Variants in NCOA3 observed in about 807,000 individuals in gnomAD.
NCOA3 encodes the protein CBP-interacting protein.
In NCOA3, 51 loss-of-function variants were observed where a neutral mutation model predicts 158.8. The observed-to-expected ratio is 0.32, with a 90% CI of 0.26 to 0.41. The LOEUF (loss-of-function observed/expected upper bound fraction) is 0.41, where lower values mean the gene tolerates loss of function less well. Ranked by LOEUF, NCOA3 falls within the 10% of genes least tolerant of loss-of-function variation. NCOA3 has a pLI of 1.00. For synonymous variants in NCOA3, 537 were observed against 592.4 expected, an observed-to-expected ratio of 0.91 and a Z score of 1.36; for missense variants, 1,510 against 1,746.6, an observed-to-expected ratio of 0.86 and a Z score of 2.41.
chr20:47,535,152 C>G (rs1294210935), intron 1 of NCOA3, among the ~76,000 whole-genome samples: 3 of 152,150 alleles, frequency 2.0e-5, no homozygotes, highest in Admixed American at 1.3e-4. Flanking sequence ...CCTCAAACTC[C>G]TGGGCTCAAG....
At chr20:47,566,457 C>G (rs1251188961) in intron 1 of NCOA3, among the ~76,000 whole-genome samples, 1 of 152,068 alleles carries the variant, frequency 6.6e-6, no homozygotes, top group African/African-American at 2.4e-5. Context: ...TAGGAGAGCC[C>G]TTCCCAGACC....
chr20:47,606,303 C>T (rs1185404508), intron 2 of NCOA3, among the ~76,000 whole-genome samples: 1 of 152,198 alleles, frequency 6.6e-6, no homozygotes, highest in Non-Finnish European at 1.5e-5. Flanking sequence ...ATGGTTAAGA[C>T]TATTCTCATA....
At chr20:47,644,195 A>G (rs1043930896) in intron 17 of NCOA3, among the ~76,000 whole-genome samples, 2 of 150,796 alleles carry the variant, frequency 1.3e-5, no homozygotes, top group Admixed American at 6.6e-5. Flanking sequence ...GCTGGAGTGC[A>G]GTGGCGTGAT....
intron 1 of NCOA3, among the ~76,000 whole-genome samples, chr20:47,521,092 C>T (rs939400482): frequency 2.4e-4 from 37 of 152,346 alleles, no homozygotes; most frequent in African/African-American, 8.7e-4. Context: ...ACAGAGTCGT[C>T]GCCGCAGTAT....
intron 2 of NCOA3, among the ~76,000 whole-genome samples, chr20:47,612,204 G>T (rs572361770): frequency 1.3e-5 from 2 of 152,092 alleles, no homozygotes; most frequent in Non-Finnish European, 2.9e-5. Context: ...CAAAAGTACA[G>T]CTGATGGGAA....
intron 1 of NCOA3, among the ~76,000 whole-genome samples, chr20:47,548,312 G>A (rs533955331): frequency 1.1e-3 from 164 of 152,022 alleles, no homozygotes; most frequent in African/African-American, 3.9e-3. Context: ...GGAGGTTGAG[G>A]CAGGCAGATC....
intron 2 of NCOA3, among the ~76,000 whole-genome samples, chr20:47,616,988 T>A (rs1476621045): frequency 6.6e-6 from 1 of 152,208 alleles, no homozygotes; most frequent in African/African-American, 2.4e-5. Context: ...GGAGTCTCAC[T>A]CTGTCATCCA....
At chr20:47,517,078 C>T (rs948462010) in intron 1 of NCOA3, among the ~76,000 whole-genome samples, 4 of 152,168 alleles carry the variant, frequency 2.6e-5, no homozygotes, top group African/African-American at 9.6e-5. Context: ...ATTAGCCAGT[C>T]GTGGTGGCAC....
At chr20:47,512,162 AG>A (rs2084152679) in intron 1 of NCOA3, among the ~76,000 whole-genome samples, 1 of 152,192 alleles carries the variant, frequency 6.6e-6, no homozygotes, top group Non-Finnish European at 1.5e-5. Flanking sequence ...AAAAAAAAAT[AG>A]GAAATAATAA....
Position 47,515,604 on chromosome 20 carries a change from C to T in NCOA3, c.-99+13585C>T, listed in dbSNP as rs375500335. On this transcript the variant is annotated intron_variant, in intron 1 of 22. Transcript: ENST00000371998. ...GGTTTAAGCGATTCTTATGCCTCAGCGTACTGAGTAGCTGGGACTAGAGGC... is the reference window on the plus strand; with the variant it reads ...GGTTTAAGCGATTCTTATGCCTCAGTGTACTGAGTAGCTGGGACTAGAGGC... Among the ~76,000 whole-genome samples the T allele has an allele frequency of 4.7e-4, 71 of 151,350 alleles. No individual in the cohort carries two copies. The East Asian group carries it at 8.5e-3, about 18-fold the overall frequency.
At chr20:47,549,922 C>T (rs1568674514) in intron 1 of NCOA3, among the ~76,000 whole-genome samples, 2 of 152,034 alleles carry the variant, frequency 1.3e-5, no homozygotes, top group Admixed American at 1.3e-4. Flanking sequence ...TTAGGCTGGT[C>T]TCAAACTCCT....
chr20:47,637,018 G>A (rs1158632887), intron 12 of NCOA3, among the ~76,000 whole-genome samples: 1 of 152,048 alleles, frequency 6.6e-6, no homozygotes, highest in East Asian at 1.9e-4. Flanking sequence ...TTGCTGGAAT[G>A]GGCAGATTGG....
Position 47,627,974 on chromosome 20 carries a change from A to G in NCOA3, c.774A>G (p.Arg258=), listed in dbSNP as rs1447773485. The change falls in exon 8 of 23, where the codon AGA becomes AGG. Residue 258 remains arginine, a synonymous_variant. Coordinates refer to ENST00000371998, the MANE Select transcript of NCOA3 (RefSeq NM_181659.3). ...CACGCCGCATTACTACAGGAGAAAGAACATTTCCATCAAACCCTGAGAGCT... is the reference window on the plus strand; with the variant it reads ...CACGCCGCATTACTACAGGAGAAAGGACATTTCCATCAAACCCTGAGAGCT... ...CVARRITTGE[R]TFPSNPESFI... 6.2e-7 allele frequency: 1 copy of G among 1,613,948 alleles called. No individual in the cohort carries two copies. Among genetic ancestry groups the G allele is most frequent in the Non-Finnish European group, 8.5e-7 (1 of 1,180,000 alleles).
chr20:47,552,085 C>T (rs914630894), intron 1 of NCOA3, among the ~76,000 whole-genome samples: 4 of 152,174 alleles, frequency 2.6e-5, no homozygotes, highest in African/African-American at 9.7e-5. Context: ...TCACTCATCA[C>T]TCATAGCCCT....
At chr20:47,584,559 G>A (rs903254378) in intron 2 of NCOA3, among the ~76,000 whole-genome samples, 8 of 150,718 alleles carry the variant, frequency 5.3e-5, no homozygotes, top group Admixed American at 5.3e-4. Flanking sequence ...GGTGGAGGTT[G>A]TAGTGAGCTG....
Position 47,642,329 on chromosome 20 carries a change from C to T in NCOA3, c.3197C>T (p.Ala1066Val). The T allele has an allele frequency of 6.2e-7, 1 of 1,612,618 alleles. No homozygotes were observed. The highest frequency in any genetic ancestry group is 8.5e-7 in the Non-Finnish European group (1 of 1,179,670). The change falls in exon 17 of 23, where the codon GCC (alanine) becomes GTC (valine). Residue 1066 changes from alanine to valine, a missense_variant. By Grantham distance (64) the Ala-to-Val change is moderately conservative. This residue lies in a region of NCOA3 where 1,017 missense variants were observed against 1,098.3 expected (regional missense o/e 0.93). Transcript: ENST00000371998. ...CACACTCTTCTCAGCAACACAGATG[C>T]CACAGGCCTGGAAGAAATTGACAGA... The part of the protein sequence containing the change: ...QLHTLLSNTD[A>V]TGLEEIDRAL...
Position 47,636,275 on chromosome 20 carries a change from A to G in NCOA3, c.1889A>G (p.Asp630Gly). The change falls in exon 12 of 23, where the codon GAT (aspartate) becomes GGT (glycine). Residue 630 changes from aspartate (D) to glycine (G), a missense_variant. Physicochemically the swap from Asp to Gly is moderately conservative, Grantham distance 94. Transcript: ENST00000371998. ...KLLQLLTCSS[D>G]DRGHSSLTNS... ...CTGCAGTTACTTACCTGTTCTTCTG[A>G]TGACCGGGGTCATTCCTCCTTGACC... is the stretch of plus-strand genomic sequence containing the variant. 5 of 1,614,184 alleles carry G rather than the reference A, an allele frequency of 3.1e-6. No individual in the cohort carries two copies. The highest frequency in any genetic ancestry group is 4.2e-6 in the Non-Finnish European group (5 of 1,180,034).
chr20:47,627,179 A>C lies in NCOA3; in HGVS notation c.532+3A>C. The C allele has an allele frequency of 6.3e-7, 1 of 1,592,056 alleles. No homozygotes were observed. The highest frequency in any genetic ancestry group is 1.1e-5 in the South Asian group (1 of 87,558). ...TAAGAATTTACCAAAATCTACAGGT[A>C]GGCTTTTAATGTGTATTTTCTAAAT... is the stretch of plus-strand genomic sequence containing the variant. On this transcript the variant is annotated splice_donor_region_variant and intron_variant, in intron 6 of 22. Coordinates refer to ENST00000371998, the MANE Select transcript of NCOA3 (RefSeq NM_181659.3).
At chr20:47,503,039 GTTA>G (rs1459716473) in intron 1 of NCOA3, among the ~76,000 whole-genome samples, 2 of 152,128 alleles carry the variant, frequency 1.3e-5, no homozygotes, top group African/African-American at 4.8e-5. Context: ...ACCTGTTTTT[GTTA>G]TTAAGCCTGT....
Sources: allele counts gnomAD v4.1 joint callset (sites outside exome capture counted in the v4.1 genomes callset), GRCh38; gene constraint gnomAD v4.1.1; regional missense constraint gnomAD v4.1.1; transcripts MANE v1.5; gene names NCBI Gene and HGNC (gene_info 2026-07-23, HGNC 2026-07-21).